Variants in PDE1C observed in about 807,000 individuals in gnomAD.
PDE1C encodes the protein phosphodiesterase 1C, also known as dual specificity calcium/calmodulin-dependent 3',5'-cyclic nucleotide phosphodiesterase 1C.
A neutral mutation model predicts 93.1 loss-of-function variants in PDE1C; 62 were observed. The ratio of observed to expected loss-of-function variants is 0.67; its 90% confidence interval spans 0.54 to 0.82. PDE1C has a LOEUF of 0.82. Ranked by LOEUF, PDE1C falls within the 40% of genes least tolerant of loss-of-function variation. The pLI is 0.00. For synonymous variants in PDE1C, 325 were observed against 310.1 expected (o/e 1.05, Z -0.50); for missense variants, 742 against 884.6 (o/e 0.84, Z 2.04).
chr7:32,170,935 C>G (rs751713648), intron 2 of PDE1C, among the ~76,000 whole-genome samples: 1 of 152,182 alleles, frequency 6.6e-6, no homozygotes, highest in Non-Finnish European at 1.5e-5. Context: ...TACCAGGCAA[C>G]TAGGTATTAG....
intron 1 of PDE1C, among the ~76,000 whole-genome samples, chr7:32,421,752 C>T (rs1365321743): frequency 1.3e-5 from 2 of 152,126 alleles, no homozygotes; most frequent in Non-Finnish European, 2.9e-5. Flanking sequence ...ACAGTAAAGC[C>T]ATCTGCCCCA....
At chr7:32,363,921 T>A (rs1784183757) in intron 1 of PDE1C, among the ~76,000 whole-genome samples, 1 of 152,248 alleles carries the variant, frequency 6.6e-6, no homozygotes, top group Admixed American at 6.5e-5. Context: ...ATTAACTTAG[T>A]TATTCCTCAT....
intron 2 of PDE1C, among the ~76,000 whole-genome samples, chr7:31,937,480 G>T (rs1805257886): frequency 6.6e-6 from 1 of 152,156 alleles, no homozygotes; most frequent in South Asian, 2.1e-4. Flanking sequence ...AGAGAGGAGA[G>T]TATAAACAGG....
chr7:31,868,065 A>G (rs1209217004), intron 6 of PDE1C, among the ~76,000 whole-genome samples: 1 of 152,236 alleles, frequency 6.6e-6, no homozygotes, highest in Non-Finnish European at 1.5e-5. Flanking sequence ...TGTGAAAGCA[A>G]ATTTTAAAAA....
chr7:31,998,186 A>T (rs999466796), intron 2 of PDE1C, among the ~76,000 whole-genome samples: 12 of 151,734 alleles, frequency 7.9e-5, no homozygotes, highest in South Asian at 2.1e-4. Flanking sequence ...TGCCCAGCTA[A>T]TTTTTTGTAT....
At chr7:31,619,076 T>G in the PDE1C span, among the ~76,000 whole-genome samples, 1 of 152,228 alleles carries the variant, frequency 6.6e-6, no homozygotes, top group East Asian at 1.9e-4. Context: ...TTCTTTCAAT[T>G]TGTAAAGCAT....
At chr7:31,813,276 C>A (rs1787772657) in intron 15 of PDE1C, among the ~76,000 whole-genome samples, 2 of 152,090 alleles carry the variant, frequency 1.3e-5, no homozygotes, top group South Asian at 4.1e-4. Flanking sequence ...GCCCAGCCAC[C>A]CACATCCCAG....
At chr7:31,805,942 T>C (rs538733577) in intron 16 of PDE1C, among the ~76,000 whole-genome samples, 1 of 152,060 alleles carries the variant, frequency 6.6e-6, no homozygotes, top group African/African-American at 2.4e-5. Flanking sequence ...TAAAAAGCAC[T>C]CTTCCACATA....
intron 1 of PDE1C, among the ~76,000 whole-genome samples, chr7:32,374,160 G>GAGAAAGAA (rs764590020): frequency 2.6e-5 from 1 of 38,900 alleles, no homozygotes; most frequent in African/African-American, 1.3e-4. Flanking sequence ...AAGAAAGAAA[G>GAGAAAGAA]AGAAAGAAAG....
At chr7:32,109,684 G>A (rs1182622253) in intron 3 of PDE1C, among the ~76,000 whole-genome samples, 2 of 152,172 alleles carry the variant, frequency 1.3e-5, no homozygotes, top group African/African-American at 4.8e-5. Context: ...GCACGCAGCA[G>A]AGATTTTGAT....
intron 1 of PDE1C, among the ~76,000 whole-genome samples, chr7:32,386,019 T>G (rs1313080998): frequency 6.6e-6 from 1 of 151,838 alleles, no homozygotes. Context: ...AAAGGGCCTG[T>G]TTCACACTTT....
chr7:31,754,358 A>T (rs1216579948), intron 17 of PDE1C, among the ~76,000 whole-genome samples: 1 of 152,236 alleles, frequency 6.6e-6, no homozygotes, highest in Non-Finnish European at 1.5e-5. Flanking sequence ...TAGTCTTACC[A>T]TGCAATGCAG....
At chr7:31,967,793 G>T (rs2129044156) in intron 2 of PDE1C, among the ~76,000 whole-genome samples, 1 of 152,256 alleles carries the variant, frequency 6.6e-6, no homozygotes. Context: ...GGGATGCAAG[G>T]CTGGTTCAAC....
At chr7:31,979,753 AC>A (rs1182147527) in intron 2 of PDE1C, among the ~76,000 whole-genome samples, 3 of 152,220 alleles carry the variant, frequency 2.0e-5, no homozygotes, top group Non-Finnish European at 4.4e-5. Context: ...AGAATAATGT[AC>A]TTTTTTTATC....
chr7:32,228,282 AG>A (rs1266069821), intron 1 of PDE1C, among the ~76,000 whole-genome samples: 1 of 152,204 alleles, frequency 6.6e-6, no homozygotes, highest in East Asian at 1.9e-4. Flanking sequence ...GAAACTGCAT[AG>A]GGGATTGTGT....
chr7:32,268,973 C>A (rs1810787201), intron 1 of PDE1C, among the ~76,000 whole-genome samples: 1 of 152,198 alleles, frequency 6.6e-6, no homozygotes, highest in Non-Finnish European at 1.5e-5. Context: ...GAACCTCTCA[C>A]AATTTACAAA....
the PDE1C span, among the ~76,000 whole-genome samples, chr7:31,719,416 GCT>G: frequency 6.6e-6 from 1 of 152,184 alleles, no homozygotes; most frequent in Non-Finnish European, 1.5e-5. Context: ...TGTTTCCTTT[GCT>G]CTTTCAGGAA....
At chr7:32,076,764 T>A (rs776016691) in intron 3 of PDE1C, among the ~76,000 whole-genome samples, 29 of 151,812 alleles carry the variant, frequency 1.9e-4, no homozygotes, top group Admixed American at 6.6e-4. Context: ...AGCCCCCTGA[T>A]CCTGCTATGC....
chr7:31,829,961 T>C (rs1790170349), intron 11 of PDE1C, among the ~76,000 whole-genome samples: 1 of 152,154 alleles, frequency 6.6e-6, no homozygotes, highest in African/African-American at 2.4e-5. Context: ...TACATTTTAA[T>C]GGGGAGGGTG....
Sources: gnomAD v4.1 joint callset for allele counts (sites outside exome capture counted in the v4.1 genomes callset) on GRCh38, gnomAD v4.1.1 for gene constraint, MANE v1.5 for transcripts, NCBI Gene and HGNC (gene_info 2026-07-23, HGNC 2026-07-21) for gene names.